Variants in IGSF11 observed in about 807,000 individuals in gnomAD.
IGSF11 encodes the protein CXADR like 1.
IGSF11 carries 22 observed loss-of-function variants against 41.0 expected under a neutral mutation model. The ratio of observed to expected loss-of-function variants is 0.54; its 90% CI spans 0.38 to 0.77. IGSF11 has a LOEUF of 0.77. Ranked by LOEUF, IGSF11 falls within the 30% of genes least tolerant of loss-of-function variation. The probability of loss-of-function intolerance (pLI) is 0.00; values close to 1 mark genes in which losing one functional copy is unlikely to be tolerated. For synonymous variants in IGSF11, 219 were observed against 201.3 expected, an observed-to-expected ratio of 1.09 and a Z score of -0.74; for missense variants, 444 against 530.8, an observed-to-expected ratio of 0.84 and a Z score of 1.61.
chr3:118,923,114 A>G (rs770577412), intron 4 of IGSF11, among the ~76,000 whole-genome samples: 6 of 152,128 alleles, frequency 3.9e-5, no homozygotes, highest in Non-Finnish European at 8.8e-5. Context: ...AAGAGACTCT[A>G]TCTGTTCCAG....
intron 1 of IGSF11, among the ~76,000 whole-genome samples, chr3:119,130,177 G>A (rs1029902102): frequency 2.6e-5 from 4 of 152,178 alleles, no homozygotes; most frequent in Non-Finnish European, 5.9e-5. Context: ...TTCCAACTGA[G>A]ATACCTGGTT....
intron 4 of IGSF11, 138 bp downstream of exon 4, chr3:118,925,963 A>G: frequency 3.9e-6 from 2 of 514,048 alleles, no homozygotes; most frequent in Non-Finnish European, 6.3e-6. Flanking sequence ...TTTAAATTTG[A>G]AAACACAAAA....
At chr3:119,105,667 G>C (rs562804774), upstream of IGSF11, among the ~76,000 whole-genome samples, 1 of 152,236 alleles carries the variant, frequency 6.6e-6, no homozygotes, top group East Asian at 1.9e-4. Flanking sequence ...AAAGTTACAA[G>C]CTCTTTCAGA....
At chr3:118,966,884 T>C (rs1221718219) in intron 1 of IGSF11, among the ~76,000 whole-genome samples, 2 of 152,132 alleles carry the variant, frequency 1.3e-5, no homozygotes, top group African/African-American at 4.8e-5. Context: ...CAGGACATCT[T>C]TGGAATGCAC....
chr3:118,958,219 T>A (rs1020837983), intron 1 of IGSF11, among the ~76,000 whole-genome samples: 4 of 152,182 alleles, frequency 2.6e-5, no homozygotes, highest in Admixed American at 6.5e-5. Flanking sequence ...GTTAAGTAAA[T>A]TTCACAATTA....
intron 1 of IGSF11, among the ~76,000 whole-genome samples, chr3:119,043,117 C>T (rs192539770): frequency 7.9e-5 from 12 of 152,218 alleles, no homozygotes; most frequent in South Asian, 2.1e-4. Context: ...TGGATGAACC[C>T]GGGCACTTAG....
At chr3:119,110,717 A>C in intron 1 of IGSF11, among the ~76,000 whole-genome samples, 1 of 152,146 alleles carries the variant, frequency 6.6e-6, no homozygotes, top group African/African-American at 2.4e-5. Context: ...ATGATTTTGC[A>C]GCGGCTGGTA....
At chr3:119,068,923 T>TTC (rs1419227823) in intron 1 of IGSF11, among the ~76,000 whole-genome samples, 1 of 138,806 alleles carries the variant, frequency 7.2e-6, no homozygotes, top group African/African-American at 2.8e-5. Context: ...TTTCTTTTTT[T>TTC]TTTCTTTTTT....
chr3:119,049,618 T>A (rs1941528377), intron 1 of IGSF11, among the ~76,000 whole-genome samples: 1 of 151,950 alleles, frequency 6.6e-6, no homozygotes, highest in Non-Finnish European at 1.5e-5. Flanking sequence ...AAGCTACCAA[T>A]GACTTTCTTC....
chr3:119,098,519 A>G (rs1283990049), intron 1 of IGSF11, among the ~76,000 whole-genome samples: 1 of 152,224 alleles, frequency 6.6e-6, no homozygotes, highest in East Asian at 1.9e-4. Flanking sequence ...CAAGAACAGC[A>G]TAGTGCCTAG....
chr3:118,989,601 G>A (rs967081404), intron 1 of IGSF11, among the ~76,000 whole-genome samples: 10 of 152,028 alleles, frequency 6.6e-5, no homozygotes, highest in African/African-American at 1.4e-4. Flanking sequence ...TGATCTGCCC[G>A]CCTCGGCCTC....
intron 4 of IGSF11, 132 bp downstream of exon 4, chr3:118,925,969 C>T: frequency 1.8e-6 from 1 of 546,736 alleles, no homozygotes; most frequent in South Asian, 6.7e-5. Flanking sequence ...TTTGAAAACA[C>T]AAAATGATCC....
At chr3:119,105,354 C>T (rs929870938), upstream of IGSF11, 11 of 567,516 alleles carry the variant, frequency 1.9e-5, no homozygotes, top group Non-Finnish European at 3.2e-5. Context: ...GGATGGAAAC[C>T]ATTTCATCAG....
chr3:119,083,122 TTTTC>T (rs927117091), intron 1 of IGSF11, among the ~76,000 whole-genome samples: 1 of 107,108 alleles, frequency 9.3e-6, no homozygotes, highest in African/African-American at 4.2e-5. Context: ...TCTTTTTCTT[TTTTC>T]TTTTTTTTTT....
intron 1 of IGSF11, among the ~76,000 whole-genome samples, chr3:118,995,866 T>C (rs1051950942): frequency 5.9e-5 from 9 of 152,106 alleles, no homozygotes; most frequent in Admixed American, 5.9e-4. Context: ...TTAGCCAGGA[T>C]GGTCTCGATC....
intron 1 of IGSF11, among the ~76,000 whole-genome samples, chr3:118,977,240 C>A (rs1437226898): frequency 6.6e-6 from 1 of 152,112 alleles, no homozygotes; most frequent in East Asian, 1.9e-4. Context: ...CTCAGAGGTC[C>A]CAGCACCTTG....
At chr3:118,991,405 C>T (rs1427870233) in intron 1 of IGSF11, among the ~76,000 whole-genome samples, 1 of 152,162 alleles carries the variant, frequency 6.6e-6, no homozygotes, top group Non-Finnish European at 1.5e-5. Flanking sequence ...ATGTAACAGG[C>T]TTAGTTTTAT....
intron 1 of IGSF11, among the ~76,000 whole-genome samples, chr3:118,979,175 A>G (rs1185405933): frequency 6.6e-6 from 1 of 152,192 alleles, no homozygotes; most frequent in Non-Finnish European, 1.5e-5. Flanking sequence ...AGACTAAACA[A>G]AAGAAAGAAT....
intron 1 of IGSF11, among the ~76,000 whole-genome samples, chr3:119,018,606 G>C (rs1005623313): frequency 6.6e-6 from 1 of 152,102 alleles, no homozygotes; most frequent in African/African-American, 2.4e-5. Flanking sequence ...AATTCATTCT[G>C]CTCTACAACT....
Sources: allele counts gnomAD v4.1 joint callset (sites outside exome capture counted in the v4.1 genomes callset), GRCh38; gene constraint gnomAD v4.1.1; transcripts MANE v1.5; gene names NCBI Gene and HGNC (gene_info 2026-07-23, HGNC 2026-07-21).